Variants in PARD3B observed in about 807,000 individuals in gnomAD.
PARD3B encodes partitioning defective 3 homolog B.
Under a neutral mutation model 130.2 loss-of-function variants are expected in PARD3B, and 103 were observed. The observed-to-expected ratio is 0.79, with a 90% confidence interval of 0.67 to 0.93. The LOEUF (loss-of-function observed/expected upper bound fraction) is 0.93, where lower values mean the gene tolerates loss of function less well. Ranked by LOEUF, PARD3B falls within the 40% of genes least tolerant of loss-of-function variation. The probability of loss-of-function intolerance (pLI) is 0.00; values close to 1 mark genes in which losing one functional copy is unlikely to be tolerated. For missense variants in PARD3B, 1,609 were observed against 1,499.2 expected, an observed-to-expected ratio of 1.07 and a Z score of -1.21; for synonymous variants, 583 against 553.2, an observed-to-expected ratio of 1.05 and a Z score of -0.76.
intron 2 of PARD3B, among the ~76,000 whole-genome samples, chr2:204,802,288 G>C (rs2042599184): frequency 6.6e-6 from 1 of 152,168 alleles, no homozygotes; most frequent in African/African-American, 2.4e-5. Context: ...AAACCACAAT[G>C]AGATACCATG....
chr2:204,685,755 A>G (rs1238446590), intron 1 of PARD3B, among the ~76,000 whole-genome samples: 1 of 150,890 alleles, frequency 6.6e-6, no homozygotes, highest in Non-Finnish European at 1.5e-5. Flanking sequence ...GATAGCTATT[A>G]CCATCACAGA....
intron 3 of PARD3B, among the ~76,000 whole-genome samples, chr2:204,972,133 T>G (rs1347630719): frequency 6.6e-6 from 1 of 152,162 alleles, no homozygotes; most frequent in East Asian, 1.9e-4. Context: ...TATTAAAAGG[T>G]AATTACCATA....
At position 205,121,817 on chromosome 2, in the gene PARD3B, G is replaced by C; in HGVS notation, c.1033G>C (p.Ala345Pro). Residue 345 changes from alanine to proline, a missense_variant, in exon 8 of 23, where the codon GCT (alanine) becomes CCT (proline). Physicochemically the swap from Ala to Pro is conservative, Grantham distance 27 (BLOSUM62 -1). Coordinates refer to ENST00000406610, the MANE Select transcript of PARD3B (RefSeq NM_001302769.2). The surrounding 1 kb of genome is among the most constrained non-coding windows in gnomAD (Gnocchi z 5.0). ...CGATAGTCCTGAAACAGATGCATCAGCTTCCCTGCAACAAAACAAGAGTCC... is the reference window on the plus strand; with the variant it reads ...CGATAGTCCTGAAACAGATGCATCACCTTCCCTGCAACAAAACAAGAGTCC... ...GTDSPETDAS[A>P]SLQQNKSPRV... The C allele has an allele frequency of 6.2e-7, 1 of 1,614,144 alleles. No homozygotes were observed. Among genetic ancestry groups the C allele is most frequent in the Non-Finnish European group, 8.5e-7 (1 of 1,180,024 alleles).
At chr2:205,441,757 A>G (rs1324755692) in intron 20 of PARD3B, among the ~76,000 whole-genome samples, 1 of 152,220 alleles carries the variant, frequency 6.6e-6, no homozygotes, top group Non-Finnish European at 1.5e-5. Flanking sequence ...TGTAAAGTGT[A>G]GCTTCAAAAG....
Position 205,472,021 on chromosome 2 carries a change from G to A in PARD3B, c.3045-27875G>A, listed in dbSNP as rs538653854. Among the ~76,000 whole-genome samples the A allele has an allele frequency of 2.6e-5, 4 of 152,294 alleles. No homozygotes were observed. The South Asian group carries it at 6.2e-4, about 24-fold the overall frequency. ...AGGCTGGTTTCTGTCTGCACGTAGT[G>A]TGTTTGAGGGCTCTTTTGTTTAGCT... On this transcript the variant is annotated intron_variant, in intron 20 of 22. Coordinates refer to ENST00000406610, the MANE Select transcript of PARD3B (RefSeq NM_001302769.2).
intron 2 of PARD3B, among the ~76,000 whole-genome samples, chr2:204,710,449 G>C (rs1363628947): frequency 1.3e-5 from 2 of 152,198 alleles, no homozygotes; most frequent in Admixed American, 1.3e-4. Context: ...TATGTATGTT[G>C]AGATATTTGA....
intron 2 of PARD3B, among the ~76,000 whole-genome samples, chr2:204,913,932 A>C: frequency 6.6e-6 from 1 of 152,214 alleles, no homozygotes; most frequent in East Asian, 1.9e-4. Flanking sequence ...AAGACACTGA[A>C]GGCACTACTG....
At position 205,125,099 on chromosome 2, in the gene PARD3B, A is replaced by G. The variant is rs142724378; in HGVS notation, c.1306-510A>G. ...TTAGCTTTTCATGTTGTTCTAGATC[A>G]TGAAAGAAGATGCACCAAATGACTA... On this transcript the variant is annotated intron_variant, in intron 9 of 22. Transcript: ENST00000406610. This position sits in a 1 kb window ranked among gnomAD's most constrained non-coding sequence, Gnocchi z 4.0. Among the ~76,000 whole-genome samples, 21 of 152,366 alleles carry G rather than the reference A, an allele frequency of 1.4e-4. 2 individuals are homozygous for G. The East Asian group carries it at 4.1e-3, about 29-fold the overall frequency.
chr2:205,129,438 G>T (rs777030084), intron 10 of PARD3B, among the ~76,000 whole-genome samples: 2 of 152,224 alleles, frequency 1.3e-5, no homozygotes, highest in Non-Finnish European at 2.9e-5. Flanking sequence ...TGTGTTATGT[G>T]ATACATCTTT....
chr2:204,704,298 T>G (rs974111797), intron 2 of PARD3B, among the ~76,000 whole-genome samples: 10 of 152,182 alleles, frequency 6.6e-5, no homozygotes, highest in African/African-American at 2.2e-4. Flanking sequence ...AAGGTTTTAA[T>G]GTATCAGTAT....
rs1450585349 is a variant in PARD3B at position 205,105,055 on chromosome 2, C to T, written c.593+541C>T. ...GCCATGTTTCCCAGTACTTTCTTTG[C>T]TTTGCATTGATTCCCAGTTCAGCTC... On this transcript the variant is annotated intron_variant, in intron 5 of 22. Coordinates refer to ENST00000406610, the MANE Select transcript of PARD3B (RefSeq NM_001302769.2). This position sits in a 1 kb window ranked among gnomAD's most constrained non-coding sequence, Gnocchi z 4.0. Among the ~76,000 whole-genome samples, 5 of 152,168 alleles carry T rather than the reference C, an allele frequency of 3.3e-5. No individual in the cohort carries two copies. The highest frequency in any genetic ancestry group is 3.3e-4 in the Admixed American group (5 of 15,276).
rs2048789621 is a variant in PARD3B at position 205,470,532 on chromosome 2, C to A, written c.3045-29364C>A. Reference sequence around the variant, plus strand: ...GAATCTCCCTAAACTCGCATCAGATCTCTTTTGTCCATTCAGGTTGTCCTG... The same window carrying A: ...GAATCTCCCTAAACTCGCATCAGATATCTTTTGTCCATTCAGGTTGTCCTG... On this transcript the variant is annotated intron_variant, in intron 20 of 22. Transcript: ENST00000406610. The surrounding 1 kb of genome is among the most constrained non-coding windows in gnomAD (Gnocchi z 4.8). 6.6e-6 allele frequency among the ~76,000 whole-genome samples: 1 copy of A among 152,188 alleles called. No homozygotes were observed. The highest frequency in any genetic ancestry group is 1.5e-5 in the Non-Finnish European group (1 of 68,026).
chr2:204,750,942 A>G (rs2125387173), intron 2 of PARD3B, among the ~76,000 whole-genome samples: 1 of 152,292 alleles, frequency 6.6e-6, no homozygotes, highest in Non-Finnish European at 1.5e-5. Context: ...ACCATAGATG[A>G]ACACTCAGTA....
intron 2 of PARD3B, among the ~76,000 whole-genome samples, chr2:204,822,377 C>T (rs1280682046): frequency 6.7e-6 from 1 of 150,048 alleles, no homozygotes; most frequent in Non-Finnish European, 1.5e-5. Flanking sequence ...AGATCTAGGC[C>T]TGGTGAAGAT....
chr2:204,650,775 A>C (rs2035448778), intron 1 of PARD3B, among the ~76,000 whole-genome samples: 1 of 152,178 alleles, frequency 6.6e-6, no homozygotes, highest in South Asian at 2.1e-4. Flanking sequence ...AAAGAGGTTT[A>C]GTTGACTCAC....
At chr2:205,451,481 CTT>C (rs2048102051) in intron 20 of PARD3B, among the ~76,000 whole-genome samples, 1 of 151,966 alleles carries the variant, frequency 6.6e-6, no homozygotes, top group Non-Finnish European at 1.5e-5. Context: ...CTTTAGATGT[CTT>C]TTCTCTTTTT....
rs536321998 is a variant in PARD3B, at chr2:205,053,204, CT to C, written c.504+5515del. Among the ~76,000 whole-genome samples the C allele has an allele frequency of 1.3e-3, 198 of 152,102 alleles. 1 individual carries two copies. Among genetic ancestry groups the C allele is most frequent in the Admixed American group, 2.4e-3 (36 of 15,276 alleles). On this transcript the variant is annotated intron_variant, in intron 4 of 22. Transcript: ENST00000406610. The stretch of plus-strand genomic sequence containing the variant: ...ATTGAAATTATTGTCAGTATTGCCC[CT>C]GTATTAAACTTCCTCAGACCCATGA...
chr2:204,748,764 A>G (rs1351168895), intron 2 of PARD3B, among the ~76,000 whole-genome samples: 1 of 152,186 alleles, frequency 6.6e-6, no homozygotes, highest in East Asian at 1.9e-4. Context: ...CCACTGCTGT[A>G]CAAATAGGAA....
chr2:205,540,817 G>T (rs2052093136), intron 21 of PARD3B, among the ~76,000 whole-genome samples: 3 of 152,110 alleles, frequency 2.0e-5, no homozygotes, highest in Non-Finnish European at 4.4e-5. Flanking sequence ...ATCTTCCATG[G>T]GTTTGTGTTC....
Sources: gnomAD v4.1 joint callset for allele counts (sites outside exome capture counted in the v4.1 genomes callset) on GRCh38, gnomAD v4.1.1 for gene constraint, Gnocchi (gnomAD v3.1) non-coding constraint, MANE v1.5 for transcripts, NCBI Gene and HGNC (gene_info 2026-07-23, HGNC 2026-07-21) for gene names.